The following MDGA2 variants were observed in gnomAD, a reference collection of about 807,000 sequenced individuals.
MDGA2 encodes MAM domain containing glycosylphosphatidylinositol anchor 2.
MDGA2 carries 40 observed loss-of-function variants against 117.8 expected under a neutral mutation model. The observed-to-expected ratio is 0.34, with a 90% CI of 0.26 to 0.44. The LOEUF (loss-of-function observed/expected upper bound fraction) is 0.44. Among genes scored for constraint, MDGA2 ranks in the 20% least tolerant of loss-of-function variants. The pLI is 1.00. For synonymous variants in MDGA2, 452 were observed against 439.0 expected (o/e 1.03, Z -0.37); for missense variants, 1,123 against 1,250.6 (o/e 0.90, Z 1.54).
chr14:47,090,528 A>T (rs546406870), intron 6 of MDGA2, among the ~76,000 whole-genome samples: 2 of 152,284 alleles, frequency 1.3e-5, no homozygotes, highest in African/African-American at 4.8e-5. Flanking sequence ...GCGTCATGGG[A>T]GCATGATGTG....
At chr14:46,894,936 A>G (rs1368332966) in intron 10 of MDGA2, among the ~76,000 whole-genome samples, 1 of 152,190 alleles carries the variant, frequency 6.6e-6, no homozygotes, top group Non-Finnish European at 1.5e-5. Context: ...GGACACCTCA[A>G]CCTAAAAATT....
chr14:46,925,224 T>G (rs1334144520), intron 9 of MDGA2, among the ~76,000 whole-genome samples: 1 of 152,130 alleles, frequency 6.6e-6, no homozygotes, highest in Non-Finnish European at 1.5e-5. Context: ...TAAATCCCAA[T>G]GATTATAAAT....
intron 1 of MDGA2, among the ~76,000 whole-genome samples, chr14:47,328,254 A>G (rs965620491): frequency 6.6e-6 from 1 of 152,116 alleles, no homozygotes; most frequent in Non-Finnish European, 1.5e-5. Flanking sequence ...TTAGACACAA[A>G]TTCCTGAAGA....
chr14:47,675,524 G>T lies in MDGA2; in HGVS notation c.-728C>A, dbSNP rs979610265. On this transcript the variant is annotated 5_prime_UTR_variant, in exon 1 of 17. Coordinates refer to ENST00000399232, the MANE Select transcript of MDGA2 (RefSeq NM_001113498.3). ...AAATAGCCTTTAGCGCCCGGCCAGC[G>T]TAGAGGTGCTCTGGCCGGCCGCACC... Among the ~76,000 whole-genome samples, 1 of 152,128 alleles carries T rather than the reference G, an allele frequency of 6.6e-6. No individual in the cohort carries two copies.
At chr14:47,459,099 A>T (rs1893426336) in intron 1 of MDGA2, among the ~76,000 whole-genome samples, 1 of 152,026 alleles carries the variant, frequency 6.6e-6, no homozygotes, top group Non-Finnish European at 1.5e-5. Flanking sequence ...ACTGTTCTGC[A>T]GAACATTTTA....
At chr14:47,050,707 G>C (rs559796701) in intron 7 of MDGA2, among the ~76,000 whole-genome samples, 1 of 152,086 alleles carries the variant, frequency 6.6e-6, no homozygotes, top group South Asian at 2.1e-4. Flanking sequence ...AGGCAGCTAG[G>C]AGAAGGCAAG....
In MDGA2 at chr14:47,624,299, A is replaced by G. The variant is rs779386668; in HGVS notation, c.280+50218T>C. Among the ~76,000 whole-genome samples, 49 of 152,222 alleles carry G rather than the reference A, an allele frequency of 3.2e-4. 1 individual carries two copies. Among genetic ancestry groups the G allele is most frequent in the Non-Finnish European group, 3.4e-4 (23 of 68,012 alleles). ...ACAGTGAAATCCCGTCTCTACTCAA[A>G]ACACAAAAATTAGCCAGGCATGGTG... On this transcript the variant is annotated intron_variant, in intron 1 of 16. Transcript: ENST00000399232.
At chr14:46,892,837 T>TA (rs1215073147) in intron 10 of MDGA2, among the ~76,000 whole-genome samples, 5 of 151,658 alleles carry the variant, frequency 3.3e-5, no homozygotes, top group African/African-American at 9.7e-5. Flanking sequence ...ATGACTATTA[T>TA]AAAAAAAAGA....
chr14:47,332,471 A>G (rs1215567135), intron 1 of MDGA2, among the ~76,000 whole-genome samples: 1 of 152,020 alleles, frequency 6.6e-6, no homozygotes, highest in Non-Finnish European at 1.5e-5. Context: ...CAGAAAAAAA[A>G]GAATAGCACA....
intron 2 of MDGA2, among the ~76,000 whole-genome samples, chr14:47,237,629 A>C (rs1886907767): frequency 6.6e-6 from 1 of 152,186 alleles, no homozygotes; most frequent in Non-Finnish European, 1.5e-5. Flanking sequence ...GTCGAAGTGT[A>C]CTGTCAAAAA....
intron 1 of MDGA2, among the ~76,000 whole-genome samples, chr14:47,637,072 T>C (rs968458398): frequency 2.0e-5 from 3 of 152,196 alleles, no homozygotes; most frequent in African/African-American, 2.4e-5. Context: ...ATAATAAATA[T>C]GTACACCCCT....
chr14:47,602,334 C>T (rs991112525), intron 1 of MDGA2, among the ~76,000 whole-genome samples: 10 of 152,054 alleles, frequency 6.6e-5, no homozygotes, highest in Non-Finnish European at 1.5e-5. Context: ...CTAATTAATG[C>T]CTGCTTCCAG....
chr14:47,523,619 G>A (rs1894914051), intron 1 of MDGA2, among the ~76,000 whole-genome samples: 1 of 152,050 alleles, frequency 6.6e-6, no homozygotes, highest in Non-Finnish European at 1.5e-5. Flanking sequence ...GACCATTCAG[G>A]GAAACAGATG....
chr14:47,249,028 T>TG (rs1170319924), intron 2 of MDGA2, among the ~76,000 whole-genome samples: 1 of 150,768 alleles, frequency 6.6e-6, no homozygotes, highest in African/African-American at 2.4e-5. Flanking sequence ...TTGTTGTTGT[T>TG]TTTTGTTTTT....
At chr14:47,078,326 G>T (rs916520369) in intron 6 of MDGA2, among the ~76,000 whole-genome samples, 4 of 151,994 alleles carry the variant, frequency 2.6e-5, no homozygotes, top group Non-Finnish European at 5.9e-5. Context: ...CTGAATTAAG[G>T]CTTTGAAAGA....
intron 1 of MDGA2, among the ~76,000 whole-genome samples, chr14:47,383,881 G>T (rs1228044428): frequency 2.6e-5 from 4 of 151,980 alleles, no homozygotes; most frequent in Admixed American, 2.0e-4. Context: ...ATGTTATGAC[G>T]ATTTTGATCA....
rs183937288 is a variant in MDGA2, at chr14:46,973,750, C to G, written c.1820-16107G>C. ...AATTGTAAAGAACAAACTAAAATTA[C>G]CTCTGTTTGCAGATGATAGAAAACC... On this transcript the variant is annotated intron_variant, in intron 8 of 16. Transcript: ENST00000399232. Among the ~76,000 whole-genome samples, 125 of 152,192 alleles carry G rather than the reference C, an allele frequency of 8.2e-4. No homozygotes were observed. In the Middle Eastern group the frequency reaches 0.01, roughly 12 times the overall value.
In MDGA2 at chr14:47,473,220, A is replaced by G. The variant is rs536046309; in HGVS notation, c.281-171670T>C. Among the ~76,000 whole-genome samples, 4 of 152,288 alleles carry G rather than the reference A, an allele frequency of 2.6e-5. No individual in the cohort carries two copies. The East Asian group carries it at 5.8e-4, about 22-fold the overall frequency. On this transcript the variant is annotated intron_variant, in intron 1 of 16. Coordinates refer to ENST00000399232, the MANE Select transcript of MDGA2 (RefSeq NM_001113498.3). ...GGCACAGACCCCACTGGCTCAGTCC[A>G]TTGGCAGCCCTGCTCTGTGGTTCTA... is the stretch of plus-strand genomic sequence containing the variant.
Position 47,417,711 on chromosome 14 carries a change from A to T in MDGA2, c.281-116161T>A, listed in dbSNP as rs141421825. Among the ~76,000 whole-genome samples, 986 of 151,960 alleles carry T rather than the reference A, an allele frequency of 6.5e-3. 12 individuals carry two copies. The highest frequency in any genetic ancestry group is 0.022 in the African/African-American group (907 of 41,440). ...ATATCACCTCACTCCTTCTGGTACCAATTTTCCTTCTTTTTATTTTTGAGA... is the reference window on the plus strand; with the variant it reads ...ATATCACCTCACTCCTTCTGGTACCTATTTTCCTTCTTTTTATTTTTGAGA... On this transcript the variant is annotated intron_variant, in intron 1 of 16. Coordinates refer to ENST00000399232, the MANE Select transcript of MDGA2 (RefSeq NM_001113498.3).
Sources: gnomAD v4.1 joint callset for allele counts (sites outside exome capture counted in the v4.1 genomes callset) on GRCh38, gnomAD v4.1.1 for gene constraint, MANE v1.5 for transcripts, NCBI Gene and HGNC (gene_info 2026-07-23, HGNC 2026-07-21) for gene names.